Variants in SUMF1 observed in about 807,000 individuals in gnomAD.
SUMF1 encodes sulfatase modifying factor 1.
In SUMF1, 48 loss-of-function variants were observed where a neutral mutation model predicts 47.6. The ratio of observed to expected loss-of-function variants is 1.01; its 90% CI spans 0.80 to 1.28. The LOEUF (loss-of-function observed/expected upper bound fraction) is 1.28, where lower values mean the gene tolerates loss of function less well. SUMF1 is among the 50% of genes most tolerant of loss of function. The probability of loss-of-function intolerance (pLI) is 0.00; values close to 1 mark genes in which losing one functional copy is unlikely to be tolerated. For missense variants in SUMF1, 571 were observed against 485.4 expected (o/e 1.18, Z -1.66); for synonymous variants, 230 against 192.1 (o/e 1.20, Z -1.63).
At chr3:4,095,598 A>G (rs962088453) in intron 8 of SUMF1, among the ~76,000 whole-genome samples, 8 of 152,170 alleles carry the variant, frequency 5.3e-5, no homozygotes, top group Admixed American at 1.3e-4. Flanking sequence ...AAAATGAGAT[A>G]TGACCAGCAG....
At chr3:4,270,951 A>G (rs1697290247) in intron 8 of SUMF1, among the ~76,000 whole-genome samples, 1 of 152,240 alleles carries the variant, frequency 6.6e-6, no homozygotes. Context: ...CTCTGACTGC[A>G]GTATGCTATT....
intron 8 of SUMF1, among the ~76,000 whole-genome samples, chr3:4,171,244 C>T (rs1465747972): frequency 3.3e-5 from 5 of 152,112 alleles, no homozygotes; most frequent in African/African-American, 9.7e-5. Context: ...AGATGCTCTG[C>T]GATCTATACC....
intron 8 of SUMF1, chr3:4,316,510 A>G (rs1183015837): frequency 3.1e-6 from 5 of 1,594,808 alleles, no homozygotes; most frequent in African/African-American, 2.7e-5. Context: ...AATGTCAACC[A>G]TTCTACGGTC....
At chr3:4,074,249 T>A (rs1692359450) in intron 8 of SUMF1, among the ~76,000 whole-genome samples, 1 of 152,014 alleles carries the variant, frequency 6.6e-6, no homozygotes, top group East Asian at 1.9e-4. Context: ...ACTGGATAAA[T>A]AACAAAATGA....
chr3:4,252,630 T>C (rs1276627354), intron 8 of SUMF1, among the ~76,000 whole-genome samples: 2 of 152,194 alleles, frequency 1.3e-5, no homozygotes, highest in Non-Finnish European at 2.9e-5. Flanking sequence ...ACTAGGAAAG[T>C]TGAAAGTTAC....
chr3:4,277,416 G>C (rs1481207436), intron 8 of SUMF1, among the ~76,000 whole-genome samples: 1 of 152,016 alleles, frequency 6.6e-6, no homozygotes, highest in African/African-American at 2.4e-5. Context: ...GATCAAAGGA[G>C]AAAGATTACC....
chr3:4,337,103 T>C (rs1032239657), intron 8 of SUMF1, among the ~76,000 whole-genome samples: 2 of 152,228 alleles, frequency 1.3e-5, no homozygotes, highest in African/African-American at 4.8e-5. Context: ...CCATCTCTTA[T>C]GATTCTTGTT....
intron 8 of SUMF1, among the ~76,000 whole-genome samples, chr3:4,192,635 T>C (rs564164593): frequency 1.3e-5 from 2 of 152,260 alleles, no homozygotes; most frequent in African/African-American, 4.8e-5. Flanking sequence ...TCTTTGTTAC[T>C]CTTGATAGGT....
chr3:4,432,992 TTGTGCCACTTCGTGGGCCA>T (rs368935178), intron 3 of SUMF1, among the ~76,000 whole-genome samples: 38 of 152,338 alleles, frequency 2.5e-4, no homozygotes, highest in African/African-American at 8.7e-4. Context: ...GGATATCCTT[TTGTGCCACTTCGTGGGCCA>T]TTGTTGCCTC....
At chr3:4,287,869 A>G (rs1452471286) in intron 8 of SUMF1, among the ~76,000 whole-genome samples, 2 of 152,236 alleles carry the variant, frequency 1.3e-5, no homozygotes, top group Non-Finnish European at 2.9e-5. Flanking sequence ...CTTAAAGTAA[A>G]TTAGTAAATC....
chr3:4,398,794 A>C (rs1263086620), intron 7 of SUMF1, among the ~76,000 whole-genome samples: 2 of 152,216 alleles, frequency 1.3e-5, no homozygotes, highest in East Asian at 3.8e-4. Context: ...CATCTCTTAA[A>C]TTATCTTTAT....
intron 1 of SUMF1, among the ~76,000 whole-genome samples, chr3:4,456,454 G>GTT (rs775343012): frequency 0.35 from 46,182 of 133,784 alleles, 8,043 homozygotes; most frequent in Non-Finnish European, 0.39. Flanking sequence ...GTTTTTCTTT[G>GTT]TTTTTTTTTT....
At chr3:4,241,146 G>T (rs767351858) in intron 8 of SUMF1, among the ~76,000 whole-genome samples, 4 of 152,080 alleles carry the variant, frequency 2.6e-5, no homozygotes, top group African/African-American at 4.8e-5. Context: ...AAGGATAAAT[G>T]ACAGAATTAT....
At chr3:4,366,064 T>C (rs1189795912) in intron 8 of SUMF1, among the ~76,000 whole-genome samples, 2 of 151,880 alleles carry the variant, frequency 1.3e-5, no homozygotes, top group Non-Finnish European at 2.9e-5. Context: ...TTCTGGCTTG[T>C]AGAGTTTCTG....
rs1320187586 is a variant in SUMF1 at position 4,417,252 on chromosome 3, G to A, written c.726-10C>T. ...GCCCCAGGGGAAAAGTCTGTCAGAA[G>A]AGACACAGGCATCAGCCTGTCAAAC... On this transcript the variant is annotated splice_polypyrimidine_tract_variant and intron_variant, in intron 5 of 8. Transcript: ENST00000272902. 6 of 1,612,710 alleles carry A rather than the reference G, an allele frequency of 3.7e-6. 1 individual carries two copies. In the Admixed American group the frequency reaches 1.0e-4, roughly 27 times the overall value.
At chr3:4,286,505 T>C (rs1697635838) in intron 8 of SUMF1, among the ~76,000 whole-genome samples, 1 of 152,092 alleles carries the variant, frequency 6.6e-6, no homozygotes, top group Non-Finnish European at 1.5e-5. Flanking sequence ...AAGAATATGA[T>C]TGGTTTATTT....
At chr3:4,110,311 A>G (rs56379728) in intron 8 of SUMF1, among the ~76,000 whole-genome samples, 22,849 of 151,972 alleles carry the variant, frequency 0.15, 3,700 homozygotes, top group African/African-American at 0.39. Flanking sequence ...GTACCCAGAC[A>G]TGTGAGGTAT....
At chr3:4,317,661 G>A (rs1156697125) in intron 8 of SUMF1, 1 of 155,274 alleles carries the variant, frequency 6.4e-6, no homozygotes, top group African/African-American at 2.4e-5. Flanking sequence ...TCACAAAATA[G>A]CAGTGGCTGT....
chr3:4,316,651 C>T (rs1698665419), intron 8 of SUMF1: 1 of 1,551,162 alleles, frequency 6.4e-7, no homozygotes, highest in Non-Finnish European at 8.7e-7. Flanking sequence ...CACAACGAAC[C>T]ATTTCTCGAT....
Sources: gnomAD v4.1 joint callset for allele counts (sites outside exome capture counted in the v4.1 genomes callset) on GRCh38, gnomAD v4.1.1 for gene constraint, MANE v1.5 for transcripts, NCBI Gene and HGNC (gene_info 2026-07-23, HGNC 2026-07-21) for gene names.